Variants in DNAH11 observed in about 807,000 individuals in gnomAD.
DNAH11 encodes axonemal beta dynein heavy chain 11.
A neutral mutation model predicts 526.0 loss-of-function variants in DNAH11; 442 were observed. The ratio of observed to expected loss-of-function variants is 0.84; its 90% CI spans 0.78 to 0.91. DNAH11 has a LOEUF of 0.91. Ranked by LOEUF, DNAH11 falls within the 40% of genes least tolerant of loss-of-function variation. The pLI is 0.00. For synonymous variants in DNAH11, 2,461 were observed against 1,935.9 expected (o/e 1.27, Z -7.12); for missense variants, 6,989 against 5,448.7 (o/e 1.28, Z -8.90).
At chr7:21,850,990 C>A (rs1451892083) in intron 66 of DNAH11, among the ~76,000 whole-genome samples, 1 of 152,126 alleles carries the variant, frequency 6.6e-6, no homozygotes, top group East Asian at 1.9e-4. Context: ...TTTTTAGGAG[C>A]TGTGAATCAC....
rs1163265529 is a variant in DNAH11, at chr7:21,707,333, T to C, written c.6547-366T>C. ...AAACAGTTCTGTTGTAGGCTACATT[T>C]TGAGAAAAACCAATCTTGCTGATTC... On this transcript the variant is annotated intron_variant, in intron 39 of 81. Transcript: ENST00000409508. Among the ~76,000 whole-genome samples the C allele has an allele frequency of 3.3e-5, 5 of 152,236 alleles. No homozygotes were observed. The East Asian group carries it at 5.8e-4, about 18-fold the overall frequency.
chr7:21,753,406 G>C (rs926352936), intron 54 of DNAH11, among the ~76,000 whole-genome samples: 4 of 152,142 alleles, frequency 2.6e-5, no homozygotes, highest in Admixed American at 6.5e-5. Context: ...AATTTGAAAT[G>C]GATTTTGGAA....
At chr7:21,638,156 A>G (rs1196098004) in intron 27 of DNAH11, among the ~76,000 whole-genome samples, 2 of 152,182 alleles carry the variant, frequency 1.3e-5, no homozygotes, top group Non-Finnish European at 2.9e-5. Flanking sequence ...TAATTTTCAC[A>G]TTTAATTCTA....
chr7:21,744,327 ATTTC>A, intron 49 of DNAH11, 107 bp from the exon 50 acceptor site: 2 of 1,175,188 alleles, frequency 1.7e-6, no homozygotes, highest in South Asian at 2.9e-5. Context: ...TATTGATGAT[ATTTC>A]TTTTAACCAT....
intron 8 of DNAH11, among the ~76,000 whole-genome samples, chr7:21,579,179 A>G (rs913811040): frequency 6.6e-6 from 1 of 152,154 alleles, no homozygotes; most frequent in Non-Finnish European, 1.5e-5. Flanking sequence ...CAACCCTTCA[A>G]TAGCTTCTCA....
rs753645186 is a variant in DNAH11, at chr7:21,543,270, G to T, written c.25G>T (p.Glu9Ter). The T allele has an allele frequency of 2.6e-6, 4 of 1,540,102 alleles. No homozygotes were observed. Among genetic ancestry groups the T allele is most frequent in the Non-Finnish European group, 3.5e-6 (4 of 1,141,606 alleles). Reference sequence around the variant, plus strand: ...AATGGCAGCCCAGGTGGCAGCCCGGGAGGCGCGAGACTTCAGAGAAGCCCC... The same window carrying T: ...AATGGCAGCCCAGGTGGCAGCCCGGTAGGCGCGAGACTTCAGAGAAGCCCC... Reference protein sequence around the residue: MAAQVAAREARDFREAPTL... With the variant: MAAQVAAR Residue 9 changes from glutamate to a stop codon, truncating the protein, a stop_gained, in exon 1 of 82, where the codon GAG (glutamate) becomes TAG (stop). Transcript: ENST00000409508. LOFTEE classifies it high-confidence loss of function.
chr7:21,739,930 C>T (rs1785800626), intron 48 of DNAH11, among the ~76,000 whole-genome samples: 1 of 152,116 alleles, frequency 6.6e-6, no homozygotes, highest in South Asian at 2.1e-4. Context: ...TTAATGCCCC[C>T]ACTTGTTTTA....
rs11769118 is a variant in DNAH11, at chr7:21,655,798, A to G, written c.4945-34A>G. ...TTATCAGAATATACCTACAGTAAGA[A>G]ATGTTCTTATCTTTTCTAATATTCT... On this transcript the variant is annotated intron_variant, in intron 28 of 81. Transcript: ENST00000409508. 713,424 of 1,587,354 alleles carry G rather than the reference A, an allele frequency of 0.45. 167,008 individuals carry two copies. Among genetic ancestry groups the G allele is most frequent in the Non-Finnish European group, 0.49 (564,497 of 1,161,654 alleles).
Position 21,606,461 on chromosome 7 carries a change from C to A in DNAH11, c.3684C>A (p.Ile1228=), listed in dbSNP as rs570794632. 10 of 1,606,728 alleles carry A rather than the reference C, an allele frequency of 6.2e-6. No homozygotes were observed. In the South Asian group the frequency reaches 1.0e-4, roughly 16 times the overall value. ...AAAGATGGGAAACTACCAAAAAGAT[C>A]GCAGCAACTGTCAGACATGAAGTCT... ...LPERWETTKK[I]AATVRHEVSP... is the part of the protein sequence containing the mutation. Residue 1228 remains isoleucine (I), a synonymous_variant, in exon 19 of 82, where the codon ATC becomes ATA. Transcript: ENST00000409508.
intron 48 of DNAH11, among the ~76,000 whole-genome samples, chr7:21,740,971 A>G (rs1456774703): frequency 6.6e-6 from 1 of 152,072 alleles, no homozygotes; most frequent in Non-Finnish European, 1.5e-5. Context: ...GCATTTTCCT[A>G]ATGATTAGTG....
At chr7:21,777,715 T>G (rs1171347263) in intron 56 of DNAH11, among the ~76,000 whole-genome samples, 1 of 152,194 alleles carries the variant, frequency 6.6e-6, no homozygotes, top group Non-Finnish European at 1.5e-5. Flanking sequence ...TAAAAAGAAC[T>G]GAGAAGCATG....
intron 9 of DNAH11, among the ~76,000 whole-genome samples, chr7:21,584,303 A>T (rs113143243): frequency 0.061 from 9,334 of 152,146 alleles, 930 homozygotes; most frequent in African/African-American, 0.21. Flanking sequence ...CTGGAAACCA[A>T]CATTCTCAGC....
At chr7:21,714,962 G>T (rs1014285948) in intron 42 of DNAH11, among the ~76,000 whole-genome samples, 1 of 152,070 alleles carries the variant, frequency 6.6e-6, no homozygotes, top group Non-Finnish European at 1.5e-5. Context: ...TATTCTTCTG[G>T]CTTTGTGTCA....
chr7:21,592,107 A>G (rs576669594), intron 14 of DNAH11, among the ~76,000 whole-genome samples: 1 of 152,332 alleles, frequency 6.6e-6, no homozygotes, highest in South Asian at 2.1e-4. Flanking sequence ...GGAAAATAAA[A>G]GCAAACAACA....
intron 3 of DNAH11, 62 bp downstream of exon 3, chr7:21,559,060 C>T: frequency 7.0e-7 from 1 of 1,427,236 alleles, no homozygotes; most frequent in Non-Finnish European, 9.5e-7. Context: ...CACGGTGGCT[C>T]ATGCCTATAA....
At chr7:21,672,831 G>A (rs1782699061) in intron 30 of DNAH11, among the ~76,000 whole-genome samples, 1 of 152,118 alleles carries the variant, frequency 6.6e-6, no homozygotes, top group Admixed American at 6.6e-5. Flanking sequence ...GGAAAAAATG[G>A]GGGACCAGCC....
At chr7:21,835,949 G>A (rs960388682) in intron 65 of DNAH11, among the ~76,000 whole-genome samples, 3 of 149,974 alleles carry the variant, frequency 2.0e-5, no homozygotes, top group African/African-American at 7.3e-5. Flanking sequence ...TAAGTCAGTA[G>A]TGTTTCTATA....
chr7:21,804,515 C>T (rs931145019), intron 62 of DNAH11, among the ~76,000 whole-genome samples: 2 of 152,210 alleles, frequency 1.3e-5, no homozygotes, highest in Non-Finnish European at 1.5e-5. Context: ...TGCAAAAACT[C>T]ATAATTCACC....
chr7:21,566,374 C>A (rs572613311), intron 6 of DNAH11, among the ~76,000 whole-genome samples: 265 of 152,220 alleles, frequency 1.7e-3, no homozygotes, highest in African/African-American at 6.1e-3. Context: ...GGTAAATATG[C>A]CCAACATGTT....
Sources: allele counts gnomAD v4.1 joint callset (sites outside exome capture counted in the v4.1 genomes callset), GRCh38; gene constraint gnomAD v4.1.1; transcripts MANE v1.5; gene names NCBI Gene and HGNC (gene_info 2026-07-23, HGNC 2026-07-21).